Variants in FOXP1 observed in about 807,000 individuals in gnomAD.
FOXP1 encodes forkhead box P1, also known as forkhead box protein P1.
A neutral mutation model predicts 98.2 loss-of-function variants in FOXP1; 15 were observed. The ratio of observed to expected loss-of-function variants is 0.15; its 90% confidence interval spans 0.10 to 0.24. The LOEUF (loss-of-function observed/expected upper bound fraction) is 0.24. Among genes scored for constraint, FOXP1 ranks in the 10% least tolerant of loss-of-function variants. The probability of loss-of-function intolerance (pLI) is 1.00; values close to 1 mark genes in which losing one functional copy is unlikely to be tolerated. For missense variants in FOXP1, 633 were observed against 848.5 expected (o/e 0.75, Z 3.15); for synonymous variants, 371 against 314.5 (o/e 1.18, Z -1.90).
intron 11 of FOXP1, among the ~76,000 whole-genome samples, chr3:71,034,609 G>A (rs566309142): frequency 2.6e-5 from 4 of 152,330 alleles, no homozygotes; most frequent in South Asian, 4.1e-4. Flanking sequence ...TGTCAAGTCT[G>A]TTGAGCATTG....
intron 7 of FOXP1, among the ~76,000 whole-genome samples, chr3:71,098,949 C>G (rs2056719203): frequency 6.6e-6 from 1 of 152,160 alleles, no homozygotes; most frequent in Admixed American, 6.5e-5. Context: ...AGAAGCTAAA[C>G]TTTATTAAGT....
At chr3:71,143,414 C>CTTCCT in intron 6 of FOXP1, among the ~76,000 whole-genome samples, 1 of 152,300 alleles carries the variant, frequency 6.6e-6, no homozygotes, top group South Asian at 2.1e-4. Context: ...TGTCTCTCAT[C>CTTCCT]TTCCTTCCCC....
At chr3:71,432,809 G>A (rs1232930371) in intron 3 of FOXP1, among the ~76,000 whole-genome samples, 2 of 138,738 alleles carry the variant, frequency 1.4e-5, no homozygotes, top group African/African-American at 5.5e-5. Context: ...CTTCAAAGCA[G>A]TTCGACACTT....
intron 4 of FOXP1, among the ~76,000 whole-genome samples, chr3:71,310,907 C>T (rs1162801332): frequency 6.6e-6 from 1 of 152,256 alleles, no homozygotes; most frequent in Non-Finnish European, 1.5e-5. Context: ...CCACATCTGG[C>T]TCTTGGCGGT....
chr3:71,333,253 T>G (rs1308905293), intron 4 of FOXP1: 1 of 152,142 alleles, frequency 6.6e-6, no homozygotes, highest in Non-Finnish European at 1.5e-5. Flanking sequence ...AGCCAAGTAG[T>G]AGAAAGTAAC....
chr3:71,298,948 G>A (rs71298377), intron 5 of FOXP1, among the ~76,000 whole-genome samples: 20,709 of 152,126 alleles, frequency 0.14, 1,940 homozygotes, highest in Middle Eastern at 0.25. Context: ...TTTTTAGACA[G>A]ACACAAATCT....
intron 5 of FOXP1, among the ~76,000 whole-genome samples, chr3:71,212,891 A>G (rs531906987): frequency 2.4e-4 from 37 of 152,018 alleles, no homozygotes; most frequent in African/African-American, 7.7e-4. Flanking sequence ...ATCATTTCAG[A>G]AAATACAGTA....
At chr3:71,076,127 T>C (rs1055144710) in intron 7 of FOXP1, among the ~76,000 whole-genome samples, 2 of 152,152 alleles carry the variant, frequency 1.3e-5, no homozygotes, top group Non-Finnish European at 2.9e-5. Flanking sequence ...CTATATTTTT[T>C]CAATGTTTTG....
chr3:71,124,614 C>T (rs1249115232), intron 6 of FOXP1, among the ~76,000 whole-genome samples: 2 of 146,234 alleles, frequency 1.4e-5, no homozygotes, highest in Non-Finnish European at 3.0e-5. Context: ...TTTGTGGTTA[C>T]TTTAACTTGT....
rs368930219 is a variant in FOXP1 at position 71,446,391 on chromosome 3, G to A, written c.-168+47035C>T. Among the ~76,000 whole-genome samples the A allele has an allele frequency of 1.1e-4, 16 of 152,102 alleles. 1 individual carries two copies. The highest frequency in any genetic ancestry group is 9.8e-4 in the Admixed American group (15 of 15,260). On this transcript the variant is annotated intron_variant, in intron 3 of 20. Coordinates refer to ENST00000649528, the MANE Select transcript of FOXP1 (RefSeq NM_001349338.3). ...GAGAAAAAGCATGTTCAAGAATGAA[G>A]GAGTGGGTGAAACCTCGTAAACTCT...
chr3:70,982,571 T>G (rs1451140144), intron 14 of FOXP1, among the ~76,000 whole-genome samples: 1 of 152,246 alleles, frequency 6.6e-6, no homozygotes, highest in Non-Finnish European at 1.5e-5. Context: ...TAAATTCTTA[T>G]GTCATTTAAA....
At chr3:71,411,209 T>C (rs1384693740) in intron 3 of FOXP1, among the ~76,000 whole-genome samples, 1 of 152,192 alleles carries the variant, frequency 6.6e-6, no homozygotes, top group Non-Finnish European at 1.5e-5. Flanking sequence ...TTCTTTCTTA[T>C]GCATCTGCTC....
chr3:71,214,084 C>T (rs918416457), intron 5 of FOXP1, among the ~76,000 whole-genome samples: 2 of 150,308 alleles, frequency 1.3e-5, no homozygotes, highest in African/African-American at 2.4e-5. Context: ...GGTGATAAAG[C>T]GTACTTAGGT....
At chr3:71,031,131 C>T (rs1427498756) in intron 11 of FOXP1, among the ~76,000 whole-genome samples, 1 of 152,160 alleles carries the variant, frequency 6.6e-6, no homozygotes, top group African/African-American at 2.4e-5. Flanking sequence ...TTCCTCTTTC[C>T]TTCTGCCATA....
At chr3:71,026,017 T>C (rs1167256576) in intron 11 of FOXP1, among the ~76,000 whole-genome samples, 1 of 152,188 alleles carries the variant, frequency 6.6e-6, no homozygotes, top group Non-Finnish European at 1.5e-5. Context: ...AGTACCATAT[T>C]CAGTCAAGGT....
Position 71,020,516 on chromosome 3 carries a change from C to T in FOXP1, c.870-4863G>A, listed in dbSNP as rs533367147. On this transcript the variant is annotated intron_variant, in intron 11 of 20. Transcript: ENST00000649528. ...TTCAAACTGGAATTACTAAATCCAC[C>T]TGCTAAATAAGGACAACTTCTCAAC... Among the ~76,000 whole-genome samples, 25 of 152,308 alleles carry T rather than the reference C, an allele frequency of 1.6e-4. No homozygotes were observed. In the East Asian group the frequency reaches 4.8e-3, roughly 29 times the overall value.
chr3:71,023,567 A>G (rs762057479), intron 11 of FOXP1, among the ~76,000 whole-genome samples: 20 of 152,212 alleles, frequency 1.3e-4, no homozygotes, highest in Non-Finnish European at 2.6e-4. Context: ...ATGACAGCTT[A>G]TACAAAATGA....
At chr3:71,066,507 A>G (rs753151604) in intron 7 of FOXP1, among the ~76,000 whole-genome samples, 4 of 152,200 alleles carry the variant, frequency 2.6e-5, no homozygotes, top group Non-Finnish European at 4.4e-5. Context: ...AATCTGCCAG[A>G]AAGTCCCCCG....
intron 5 of FOXP1, among the ~76,000 whole-genome samples, chr3:71,270,173 G>A (rs560684990): frequency 6.6e-6 from 1 of 152,292 alleles, no homozygotes; most frequent in Non-Finnish European, 1.5e-5. Flanking sequence ...TCACCAGCAA[G>A]TTGTTTATTA....
Sources: allele counts gnomAD v4.1 joint callset (sites outside exome capture counted in the v4.1 genomes callset), GRCh38; gene constraint gnomAD v4.1.1; transcripts MANE v1.5; gene names NCBI Gene and HGNC (gene_info 2026-07-23, HGNC 2026-07-21).